Variants in TNFRSF8 observed in about 807,000 individuals in gnomAD.
TNFRSF8 encodes the protein TNF receptor superfamily member 8.
TNFRSF8 carries 26 observed loss-of-function variants against 70.8 expected under a neutral mutation model. The ratio of observed to expected loss-of-function variants is 0.37; its 90% CI spans 0.27 to 0.51. The LOEUF is 0.51. TNFRSF8 is among the 20% of genes least tolerant of loss of function. TNFRSF8 has a pLI of 0.94. For synonymous variants in TNFRSF8, 356 were observed against 339.2 expected (o/e 1.05, Z -0.54); for missense variants, 720 against 807.9 (o/e 0.89, Z 1.32).
chr1:12,110,713 C>T lies in TNFRSF8; in HGVS notation c.676+509C>T, dbSNP rs866642534. Among the ~76,000 whole-genome samples the T allele has an allele frequency of 3.3e-5, 5 of 152,330 alleles. No individual in the cohort carries two copies. The highest frequency in any genetic ancestry group is 6.8e-3 in the Middle Eastern group (2 of 294). On this transcript the variant is annotated intron_variant, in intron 6 of 14. Transcript: ENST00000263932. The surrounding 1 kb of genome is among the most constrained non-coding windows in gnomAD (Gnocchi z 4.0). ...TCCTGGGTTCAAGCGATTCTCCTGC[C>T]TCAGCCTCCTGAGTAGCTGGGATTA...
At chr1:12,090,363 C>T (rs1400840074) in intron 2 of TNFRSF8, among the ~76,000 whole-genome samples, 1 of 150,098 alleles carries the variant, frequency 6.7e-6, no homozygotes, top group Non-Finnish European at 1.5e-5. Flanking sequence ...TCTACCCATC[C>T]ACCCATCTAC....
At chr1:12,125,657 A>G (rs140304435) in intron 10 of TNFRSF8, among the ~76,000 whole-genome samples, 1 of 152,308 alleles carries the variant, frequency 6.6e-6, no homozygotes, top group Non-Finnish European at 1.5e-5. Flanking sequence ...CCTCGTCCAC[A>G]GTCCCCAAAT....
chr1:12,066,064 C>G (rs776586430), intron 1 of TNFRSF8, among the ~76,000 whole-genome samples: 21 of 152,156 alleles, frequency 1.4e-4, no homozygotes, highest in Non-Finnish European at 2.6e-4. Flanking sequence ...TTGATCTTAT[C>G]AGCATTTTAA....
In TNFRSF8 at chr1:12,135,758, G is replaced by A. The variant is rs2101043998; in HGVS notation, c.1335+145G>A. ...ATTCCCCTCCCACAGTGCCCAGGGT[G>A]CAGGCCCGTCCTGCAAGTTCAGGCT... On this transcript the variant is annotated intron_variant, in intron 13 of 14. Transcript: ENST00000263932. 12 of 1,191,872 alleles carry A rather than the reference G, an allele frequency of 1.0e-5. No individual in the cohort carries two copies. The South Asian group carries it at 1.5e-4, about 14-fold the overall frequency. 73.8% of individuals were successfully genotyped at this position (1,191,872 alleles called of 1,614,324 possible).
intron 2 of TNFRSF8, among the ~76,000 whole-genome samples, chr1:12,085,285 T>G (rs939998251): frequency 2.0e-5 from 3 of 152,072 alleles, no homozygotes; most frequent in African/African-American, 7.2e-5. Flanking sequence ...TAATTTTGTA[T>G]TTTTAGTAGA....
intron 1 of TNFRSF8, among the ~76,000 whole-genome samples, chr1:12,068,415 G>A (rs1469307917): frequency 6.6e-6 from 1 of 152,124 alleles, no homozygotes; most frequent in Non-Finnish European, 1.5e-5. Flanking sequence ...GACTGGTCGG[G>A]GTAGAGCCCA....
intron 8 of TNFRSF8, 143 bp from the exon 9 acceptor site, chr1:12,123,141 T>A (rs1456946369): frequency 1.2e-5 from 8 of 676,690 alleles, no homozygotes; most frequent in African/African-American, 1.8e-5. Flanking sequence ...CTTTTCCACT[T>A]TGATCTTTTG....
rs1019906327 is a variant in TNFRSF8, at chr1:12,141,336, C to T, written c.1544-951C>T. Among the ~76,000 whole-genome samples the T allele has an allele frequency of 6.6e-6, 1 of 152,076 alleles. No homozygotes were observed. Among genetic ancestry groups the T allele is most frequent in the Non-Finnish European group, 1.5e-5 (1 of 68,012 alleles). ...CCTGAGCCAGACACCATCAGCTGGGCGGAGGCCAGGCTTCCCCACTCCCCA... is the reference window on the plus strand; with the variant it reads ...CCTGAGCCAGACACCATCAGCTGGGTGGAGGCCAGGCTTCCCCACTCCCCA... On this transcript the variant is annotated intron_variant, in intron 14 of 14. Transcript: ENST00000263932. This position sits in a 1 kb window ranked among gnomAD's most constrained non-coding sequence, Gnocchi z 5.4.
intron 1 of TNFRSF8, among the ~76,000 whole-genome samples, chr1:12,071,960 G>A (rs749843763): frequency 2.0e-5 from 3 of 152,164 alleles, no homozygotes; most frequent in Admixed American, 6.5e-5. Context: ...GCCTCCCAGA[G>A]TGCTGGGACT....
In TNFRSF8 at chr1:12,113,407, C is replaced by T. The variant is rs1226240767; in HGVS notation, c.793+1393C>T. 2.0e-5 allele frequency among the ~76,000 whole-genome samples: 3 copies of T among 152,206 alleles called. No homozygotes were observed. The highest frequency in any genetic ancestry group is 4.4e-5 in the Non-Finnish European group (3 of 68,046). The stretch of plus-strand genomic sequence containing the variant: ...CAGGCTGGTCCCAAACTCCTGGCCT[C>T]AAGTGATCCGCCGGCCTTGGCCTCC... On this transcript the variant is annotated intron_variant, in intron 7 of 14. Coordinates refer to ENST00000263932, the MANE Select transcript of TNFRSF8 (RefSeq NM_001243.5). The surrounding 1 kb of genome is among the most constrained non-coding windows in gnomAD (Gnocchi z 4.9).
chr1:12,111,907 C>G lies in TNFRSF8; in HGVS notation c.686C>G (p.Pro229Arg), dbSNP rs757994224. The change falls in exon 7 of 15, where the codon CCA becomes CGA. Residue 229 changes from proline (P) to arginine (R), a missense_variant. Coordinates refer to ENST00000263932, the MANE Select transcript of TNFRSF8 (RefSeq NM_001243.5). ...CTGCTTCTTTCCCCAGGTCTGTCCC[C>G]AACACAGCCATGCCCAGAGGGGTCT... is the stretch of plus-strand genomic sequence containing the variant. ...GRPSSDPGLS[P>R]TQPCPEGSGD... 4.3e-6 allele frequency: 7 copies of G among 1,614,132 alleles called. No homozygotes were observed. The East Asian group carries it at 1.3e-4, about 31-fold the overall frequency.
In TNFRSF8 at chr1:12,084,658, A is replaced by T. The variant is rs920185623; in HGVS notation, c.151+107A>T. The T allele has an allele frequency of 8.0e-5, 84 of 1,050,080 alleles. No homozygotes were observed. In the Admixed American group the frequency reaches 1.2e-3, roughly 15 times the overall value. 65.0% of individuals were successfully genotyped at this position (1,050,080 alleles called of 1,614,324 possible). On this transcript the variant is annotated intron_variant, in intron 2 of 14. Transcript: ENST00000263932. ...GAAATTGGAGCCAACCGTCATCGTC[A>T]TAATTGGCTACAGTTTTCTGCAGGT...
chr1:12,070,536 T>C (rs1232232889), intron 1 of TNFRSF8, among the ~76,000 whole-genome samples: 1 of 152,120 alleles, frequency 6.6e-6, no homozygotes, highest in African/African-American at 2.4e-5. Flanking sequence ...TGTTGCCCAG[T>C]TTGGTCTCAA....
At chr1:12,084,944 G>T (rs1641127889) in intron 2 of TNFRSF8, among the ~76,000 whole-genome samples, 1 of 152,162 alleles carries the variant, frequency 6.6e-6, no homozygotes, top group African/African-American at 2.4e-5. Context: ...TTAAGTTCCA[G>T]CTACTTCCCT....
rs36180612 is a variant in TNFRSF8, at chr1:12,105,527, CCT to C, written c.421+1018_421+1019del. On this transcript the variant is annotated intron_variant, in intron 4 of 14. Coordinates refer to ENST00000263932, the MANE Select transcript of TNFRSF8 (RefSeq NM_001243.5). The stretch of plus-strand genomic sequence containing the variant: ...TTGCAAGACCAAATCTGAATCTGAT[CCT>C]CTCTCTCTCTCTCTCTCTCTCACTC... 3.8e-3 allele frequency among the ~76,000 whole-genome samples: 551 copies of C among 145,428 alleles called. 4 individuals carry two copies. Among genetic ancestry groups the C allele is most frequent in the Non-Finnish European group, 5.1e-3 (336 of 66,298 alleles).
chr1:12,072,730 G>A (rs1343069533), intron 1 of TNFRSF8, among the ~76,000 whole-genome samples: 1 of 152,266 alleles, frequency 6.6e-6, no homozygotes. Flanking sequence ...TGCCAGGTAC[G>A]GTTCCTGCTC....
At chr1:12,099,408 G>A (rs905612145) in intron 3 of TNFRSF8, among the ~76,000 whole-genome samples, 3 of 152,084 alleles carry the variant, frequency 2.0e-5, no homozygotes, top group Non-Finnish European at 4.4e-5. Context: ...GCCTCCTAAA[G>A]TGTTGGGATT....
chr1:12,104,238 T>C, intron 3 of TNFRSF8, 141 bp from the exon 4 acceptor site: 1 of 795,126 alleles, frequency 1.3e-6, no homozygotes. Flanking sequence ...TTAATCCAAT[T>C]TTAGTGGTCA....
At position 12,109,119 on chromosome 1, in the gene TNFRSF8, C is replaced by A. The variant is rs1326240309; in HGVS notation, c.422-447C>A. On this transcript the variant is annotated intron_variant, in intron 4 of 14. Transcript: ENST00000263932. The surrounding 1 kb of genome is among the most constrained non-coding windows in gnomAD (Gnocchi z 4.4). ...TCATCGGCAAGATACTTACAAGCAGCTCTGCCCAGCGCCAGTGGGAAGACA... is the reference window on the plus strand; with the variant it reads ...TCATCGGCAAGATACTTACAAGCAGATCTGCCCAGCGCCAGTGGGAAGACA... Among the ~76,000 whole-genome samples, 2 of 152,230 alleles carry A rather than the reference C, an allele frequency of 1.3e-5. No individual in the cohort carries two copies. The highest frequency in any genetic ancestry group is 6.5e-5 in the Admixed American group (1 of 15,288).
Sources: gnomAD v4.1 joint callset for allele counts (sites outside exome capture counted in the v4.1 genomes callset) on GRCh38, gnomAD v4.1.1 for gene constraint, Gnocchi (gnomAD v3.1) non-coding constraint, MANE v1.5 for transcripts, NCBI Gene and HGNC (gene_info 2026-07-23, HGNC 2026-07-21) for gene names.